TTC17: variants seen among roughly 807,000 people sequenced by gnomAD.
TTC17 encodes tetratricopeptide repeat protein 17.
A neutral mutation model predicts 143.8 loss-of-function variants in TTC17; 58 were observed. The observed-to-expected ratio is 0.40, with a 90% CI of 0.33 to 0.50. TTC17 has a LOEUF of 0.50. TTC17 is among the 20% of genes least tolerant of loss of function. TTC17 has a pLI of 0.49. For missense variants in TTC17, 1,273 were observed against 1,392.5 expected, an observed-to-expected ratio of 0.91 and a Z score of 1.37; for synonymous variants, 501 against 497.8, an observed-to-expected ratio of 1.01 and a Z score of -0.09.
intron 15 of TTC17, among the ~76,000 whole-genome samples, chr11:43,413,358 A>C (rs1236961203): frequency 1.3e-5 from 2 of 152,226 alleles, no homozygotes; most frequent in African/African-American, 4.8e-5. Context: ...TCATGTACCA[A>C]AATATGAAAG....
chr11:43,416,680 T>C (rs1946786683), intron 16 of TTC17, among the ~76,000 whole-genome samples: 1 of 152,172 alleles, frequency 6.6e-6, no homozygotes, highest in African/African-American at 2.4e-5. Context: ...AACACAATTT[T>C]TTTTAATAAT....
At chr11:43,367,440 A>T (rs527590930) in intron 1 of TTC17, among the ~76,000 whole-genome samples, 2 of 152,328 alleles carry the variant, frequency 1.3e-5, no homozygotes, top group East Asian at 3.9e-4. Context: ...ATCAGAAAAA[A>T]CAGAGGCGTG....
chr11:43,491,496 T>C (rs541103823), intron 22 of TTC17: 3 of 152,562 alleles, frequency 2.0e-5, no homozygotes, highest in South Asian at 4.1e-4. Context: ...AGCATTGTAG[T>C]ATGAAAACAG....
At position 43,456,018 on chromosome 11, in the gene TTC17, G is replaced by A. The variant is rs190161418; in HGVS notation, c.3030+4753G>A. ...ACATCATGACTAAAAGGCTATTCTAGGAATACTGAATTGATTTACTATTTG... is the reference window on the plus strand; with the variant it reads ...ACATCATGACTAAAAGGCTATTCTAAGAATACTGAATTGATTTACTATTTG... On this transcript the variant is annotated intron_variant, in intron 21 of 23. Transcript: ENST00000039989. Among the ~76,000 whole-genome samples the A allele has an allele frequency of 2.0e-5, 3 of 152,098 alleles. No individual in the cohort carries two copies. In the East Asian group the frequency reaches 5.8e-4, roughly 29 times the overall value.
At chr11:43,359,212 C>G (rs2134415412) in intron 1 of TTC17, 99 bp downstream of exon 1, 2 of 1,389,970 alleles carry the variant, frequency 1.4e-6, no homozygotes, top group Non-Finnish European at 9.4e-7. Context: ...GGCCCCGCCC[C>G]CAGCCTACCC....
At position 43,391,485 on chromosome 11, in the gene TTC17, C is replaced by A; in HGVS notation, c.440C>A (p.Thr147Lys). The A allele has an allele frequency of 6.2e-7, 1 of 1,604,162 alleles. No homozygotes were observed. The highest frequency in any genetic ancestry group is 8.5e-7 in the Non-Finnish European group (1 of 1,174,546). The change falls in exon 4 of 24, where the codon ACA becomes AAA. Residue 147 changes from threonine to lysine, a missense_variant. Transcript: ENST00000039989. ...KDISPEDYID[T>K]ESPVPPDPEQ... ...TTTAGTCCTGAAGATTATATAGACA[C>A]AGAATCTCCTGTCCCTCCAGACCCA...
chr11:43,449,401 C>T (rs1947613922), intron 19 of TTC17: 1 of 152,228 alleles, frequency 6.6e-6, no homozygotes, highest in South Asian at 2.1e-4. Context: ...GAATCCTTCA[C>T]TAGCTACCCT....
At chr11:43,373,007 A>T (rs1374258256) in intron 1 of TTC17, among the ~76,000 whole-genome samples, 1 of 152,174 alleles carries the variant, frequency 6.6e-6, no homozygotes, top group Non-Finnish European at 1.5e-5. Flanking sequence ...TTGTGAAAAT[A>T]TTTACCTACA....
At chr11:43,452,482 C>CA (rs1947680887) in intron 21 of TTC17, among the ~76,000 whole-genome samples, 1 of 152,014 alleles carries the variant, frequency 6.6e-6, no homozygotes, top group African/African-American at 2.4e-5. Context: ...GCCTGGGTGA[C>CA]AGAGTGAGAC....
At chr11:43,429,258 A>G (rs750826701) in intron 16 of TTC17, among the ~76,000 whole-genome samples, 16 of 152,214 alleles carry the variant, frequency 1.1e-4, no homozygotes, top group Non-Finnish European at 1.9e-4. Flanking sequence ...AATCCTAGAC[A>G]CAGAAATGTA....
intron 2 of TTC17, 50 bp downstream of exon 2, chr11:43,379,372 A>G (rs1291252295): frequency 6.6e-7 from 1 of 1,512,458 alleles, no homozygotes; most frequent in Non-Finnish European, 9.1e-7. Context: ...TGCATTTCAC[A>G]GGAGCCATTG....
chr11:43,372,375 T>C (rs1856600874), intron 1 of TTC17, among the ~76,000 whole-genome samples: 1 of 151,940 alleles, frequency 6.6e-6, no homozygotes, highest in Non-Finnish European at 1.5e-5. Flanking sequence ...TGATCTCCTT[T>C]CACTGCAACT....
At chr11:43,442,294 A>G (rs1471517673) in intron 16 of TTC17, among the ~76,000 whole-genome samples, 5 of 152,190 alleles carry the variant, frequency 3.3e-5, no homozygotes, top group African/African-American at 1.2e-4. Flanking sequence ...CATGTTCTAA[A>G]TCCCTGAACA....
intron 16 of TTC17, among the ~76,000 whole-genome samples, chr11:43,429,432 C>T (rs908323913): frequency 1.3e-5 from 2 of 152,182 alleles, no homozygotes; most frequent in Admixed American, 6.5e-5. Context: ...CCTTTTCCCT[C>T]AGCTATACCT....
At chr11:43,394,020 A>C (rs11827196) in intron 5 of TTC17, among the ~76,000 whole-genome samples, 6,773 of 152,240 alleles carry the variant, frequency 0.044, 232 homozygotes, top group African/African-American at 0.099. Flanking sequence ...TCCATTTCTT[A>C]TAAGGACACT....
At chr11:43,375,963 T>C (rs1856750116) in intron 1 of TTC17, among the ~76,000 whole-genome samples, 1 of 152,106 alleles carries the variant, frequency 6.6e-6, no homozygotes, top group Non-Finnish European at 1.5e-5. Flanking sequence ...ATTAACAATA[T>C]CTTGGTTAAT....
chr11:43,363,717 A>G (rs903377251), intron 1 of TTC17, among the ~76,000 whole-genome samples: 2 of 152,244 alleles, frequency 1.3e-5, no homozygotes, highest in African/African-American at 2.4e-5. Flanking sequence ...AAAGTCGTGT[A>G]ACTAATGTGT....
intron 22 of TTC17, 113 bp downstream of exon 22, chr11:43,490,471 C>T (rs780188213): frequency 7.0e-7 from 1 of 1,427,984 alleles, no homozygotes; most frequent in Non-Finnish European, 9.2e-7. Flanking sequence ...AGGACATATT[C>T]CAAGGAGAGA....
At chr11:43,444,522 A>C in intron 18 of TTC17, 2 of 184,966 alleles carry the variant, frequency 1.1e-5, no homozygotes, top group Non-Finnish European at 1.1e-5. Flanking sequence ...GAAAATAATA[A>C]TTCTGACACT....
Sources: allele counts gnomAD v4.1 joint callset (sites outside exome capture counted in the v4.1 genomes callset), GRCh38; gene constraint gnomAD v4.1.1; transcripts MANE v1.5; gene names NCBI Gene and HGNC (gene_info 2026-07-23, HGNC 2026-07-21).